MAP2K1: variants seen among roughly 807,000 people sequenced by gnomAD.
MAP2K1 encodes mitogen-activated protein kinase kinase 1.
In MAP2K1, 16 loss-of-function variants were observed where a neutral mutation model predicts 46.3. That is an observed-to-expected ratio of 0.35 (90% CI 0.23 to 0.52). The LOEUF is 0.52. Ranked by LOEUF, MAP2K1 falls within the 20% of genes least tolerant of loss-of-function variation. The probability of loss-of-function intolerance (pLI) is 0.94; values close to 1 mark genes in which losing one functional copy is unlikely to be tolerated. For missense variants in MAP2K1, 263 were observed against 497.1 expected (o/e 0.53, Z 4.48); for synonymous variants, 183 against 185.6 (o/e 0.99, Z 0.11).
intron 5 of MAP2K1, among the ~76,000 whole-genome samples, chr15:66,474,578 T>A (rs1031514646): frequency 6.6e-6 from 1 of 152,152 alleles, no homozygotes; most frequent in Non-Finnish European, 1.5e-5. Context: ...CTTGTGAAAC[T>A]TTGGAGTACA....
chr15:66,434,941 TG>T, intron 1 of MAP2K1, 85 bp from the exon 2 acceptor site: 1 of 924,538 alleles, frequency 1.1e-6, no homozygotes, highest in Non-Finnish European at 1.8e-6. Flanking sequence ...GCCCCAGACC[TG>T]GAGCTTTCTT....
In MAP2K1 at chr15:66,491,104, A is replaced by T. The variant is rs1893241345; in HGVS notation, c.*489A>T. The T allele has an allele frequency of 3.1e-6, 1 of 321,636 alleles. No individual in the cohort carries two copies. The highest frequency in any genetic ancestry group is 4.6e-5 in the Admixed American group (1 of 21,632). The allele number at this position is 321,636 out of a possible 1,614,324, so 19.9% of individuals were successfully genotyped here. A position where few individuals can be genotyped will look rare whatever the true frequency, so the allele number is the denominator to read the frequency against. On this transcript the variant is annotated 3_prime_UTR_variant, in exon 11 of 11. Coordinates refer to ENST00000307102, the MANE Select transcript of MAP2K1 (RefSeq NM_002755.4). ...GCTGCTATGAAAATGAGCATCAGAG[A>T]GTGTACATCATGTTATTTTATTATT...
chr15:66,487,797 C>T (rs1479999784), intron 8 of MAP2K1, among the ~76,000 whole-genome samples: 2 of 152,026 alleles, frequency 1.3e-5, no homozygotes, highest in East Asian at 3.9e-4. Context: ...GAAAAAAAGC[C>T]ATCCATCCTC....
At chr15:66,483,634 G>C (rs1244457823) in intron 6 of MAP2K1, among the ~76,000 whole-genome samples, 1 of 151,930 alleles carries the variant, frequency 6.6e-6, no homozygotes, top group African/African-American at 2.4e-5. Flanking sequence ...TTCAAATAAT[G>C]CTCATTAAAA....
At chr15:66,401,582 A>G (rs1408044293) in intron 1 of MAP2K1, among the ~76,000 whole-genome samples, 3 of 152,192 alleles carry the variant, frequency 2.0e-5, no homozygotes, top group Admixed American at 2.0e-4. Flanking sequence ...GCCTTCAAGG[A>G]TCTTAAAATC....
At position 66,429,689 on chromosome 15, in the gene MAP2K1, A is replaced by G. The variant is rs1029655254; in HGVS notation, c.81-5338A>G. On this transcript the variant is annotated intron_variant, in intron 1 of 10. Coordinates refer to ENST00000307102, the MANE Select transcript of MAP2K1 (RefSeq NM_002755.4). The stretch of plus-strand genomic sequence containing the variant: ...GCCCCCCCCCCCCCCGTCCCCCCCA[A>G]CACAGATGGGCTAGCCTGGGGTGGA... 1.3e-4 allele frequency among the ~76,000 whole-genome samples: 4 copies of G among 31,172 alleles called. No homozygotes were observed. In the East Asian group the frequency reaches 5.5e-3, roughly 43 times the overall value. 20.5% of individuals were successfully genotyped at this position (31,172 alleles called of 152,430 possible). A position where few individuals can be genotyped will look rare whatever the true frequency, so the allele number is the denominator to read the frequency against.
chr15:66,474,708 AC>A (rs1158174033), intron 5 of MAP2K1, among the ~76,000 whole-genome samples: 1 of 151,916 alleles, frequency 6.6e-6, no homozygotes. Context: ...TCCCTGTGCC[AC>A]CCTAACAGGT....
chr15:66,458,310 TTGC>T (rs1000992527), intron 5 of MAP2K1, among the ~76,000 whole-genome samples: 1 of 152,230 alleles, frequency 6.6e-6, no homozygotes, highest in African/African-American at 2.4e-5. Context: ...TGAAAAAGCG[TTGC>T]ATGATTTAGA....
At position 66,489,216 on chromosome 15, in the gene MAP2K1, C is replaced by A; in HGVS notation, c.962C>A (p.Pro321His). ...TCTTATCTCAACATGTGTTTGCAGC[C>A]TCCTCCAAAACTGCCCAGTGGAGTG... Reference protein sequence around the residue: ...FELLDYIVNEPPPKLPSGVFS... With the variant: ...FELLDYIVNEHPPKLPSGVFS... Residue 321 changes from proline to histidine, a missense_variant and splice_region_variant, in exon 9 of 11, where the codon CCT becomes CAT. Physicochemically the swap from Pro to His is moderately conservative, Grantham distance 77. Transcript: ENST00000307102. The A allele has an allele frequency of 6.2e-7, 1 of 1,613,784 alleles. No individual in the cohort carries two copies. The highest frequency in any genetic ancestry group is 8.5e-7 in the Non-Finnish European group (1 of 1,179,722).
At chr15:66,409,006 TTA>T (rs923680997) in intron 1 of MAP2K1, among the ~76,000 whole-genome samples, 1 of 152,152 alleles carries the variant, frequency 6.6e-6, no homozygotes, top group Non-Finnish European at 1.5e-5. Flanking sequence ...GGCTTTGAGT[TTA>T]TGAGGGGTGA....
chr15:66,461,378 T>C (rs770490500), intron 5 of MAP2K1, among the ~76,000 whole-genome samples: 2 of 151,660 alleles, frequency 1.3e-5, no homozygotes, highest in Non-Finnish European at 2.9e-5. Context: ...CCAGCAGGCT[T>C]AGGCACGAGA....
chr15:66,477,448 A>C (rs1892779631), intron 5 of MAP2K1, among the ~76,000 whole-genome samples: 1 of 152,192 alleles, frequency 6.6e-6, no homozygotes, highest in Non-Finnish European at 1.5e-5. Flanking sequence ...ATCATTGTCT[A>C]TTCCTATAAC....
rs1235753989 is a variant in MAP2K1 at position 66,458,603 on chromosome 15, A to G, written c.568+13896A>G. Among the ~76,000 whole-genome samples the G allele has an allele frequency of 5.9e-5, 9 of 152,022 alleles. No individual in the cohort carries two copies. In the East Asian group the frequency reaches 1.7e-3, roughly 29 times the overall value. On this transcript the variant is annotated intron_variant, in intron 5 of 10. Transcript: ENST00000307102. ...GCGATCATGGCTCACTGCATCCTCA[A>G]CCTCCCCAGCTCAAGCGATCCTCTC...
intron 1 of MAP2K1, among the ~76,000 whole-genome samples, chr15:66,420,801 A>ATGTGTATATATATG (rs2093438014): frequency 5.1e-5 from 3 of 58,568 alleles, no homozygotes; most frequent in African/African-American, 1.5e-4. Flanking sequence ...GTGTATATAT[A>ATGTGTATATATATG]TGTGTATATA....
chr15:66,466,025 C>G (rs1255789761), intron 5 of MAP2K1, among the ~76,000 whole-genome samples: 4 of 152,142 alleles, frequency 2.6e-5, no homozygotes, highest in African/African-American at 9.7e-5. Flanking sequence ...CCCAAGATAA[C>G]TTGGGGCTCC....
At chr15:66,484,839 T>G in intron 6 of MAP2K1, 151 bp from the exon 7 acceptor site, 2 of 761,974 alleles carry the variant, frequency 2.6e-6, no homozygotes, top group Non-Finnish European at 4.7e-6. Flanking sequence ...AAACACAGTG[T>G]TGGGGGTAGG....
intron 1 of MAP2K1, among the ~76,000 whole-genome samples, chr15:66,405,516 C>T (rs923364434): frequency 6.6e-6 from 1 of 152,118 alleles, no homozygotes; most frequent in African/African-American, 2.4e-5. Context: ...CCCTTTTATT[C>T]CACAAAGGAG....
intron 1 of MAP2K1, among the ~76,000 whole-genome samples, chr15:66,422,508 G>A (rs936392886): frequency 6.6e-5 from 10 of 152,100 alleles, no homozygotes; most frequent in South Asian, 4.1e-4. Context: ...CCTTTTTTAC[G>A]GATTGGGAAA....
intron 3 of MAP2K1, among the ~76,000 whole-genome samples, chr15:66,441,535 G>A (rs1469657692): frequency 6.6e-6 from 1 of 152,068 alleles, no homozygotes; most frequent in Non-Finnish European, 1.5e-5. Context: ...GCTGGGTGGG[G>A]TGGCACGTAC....
Sources: gnomAD v4.1 joint callset for allele counts (sites outside exome capture counted in the v4.1 genomes callset) on GRCh38, gnomAD v4.1.1 for gene constraint, MANE v1.5 for transcripts, NCBI Gene and HGNC (gene_info 2026-07-23, HGNC 2026-07-21) for gene names.